The following FOXN4 variants were observed in gnomAD, a reference collection of about 807,000 sequenced individuals.
FOXN4 encodes the protein forkhead box N4, also known as forkhead box protein N4.
FOXN4 carries 12 observed loss-of-function variants against 45.0 expected under a neutral mutation model. The ratio of observed to expected loss-of-function variants is 0.27; its 90% CI spans 0.17 to 0.43. The LOEUF (loss-of-function observed/expected upper bound fraction) is 0.43, where lower values mean the gene tolerates loss of function less well. FOXN4 is among the 20% of genes least tolerant of loss of function. The pLI is 1.00. For missense variants in FOXN4, 560 were observed against 694.9 expected (o/e 0.81, Z 2.18); for synonymous variants, 297 against 295.0 (o/e 1.01, Z -0.07).
rs549680480 is a variant in FOXN4, at chr12:109,307,627, CCT to C, written c.86+607_86+608del. ...AAGGGCTCTGAAGGCTTCCATGCATCCTCTCAGTTGTACCTTGCTTCACCCTG... is the reference window on the plus strand; with the variant it reads ...AAGGGCTCTGAAGGCTTCCATGCATCCTCAGTTGTACCTTGCTTCACCCTG... On this transcript the variant is annotated intron_variant, in intron 2 of 9. Coordinates refer to ENST00000299162, the MANE Select transcript of FOXN4 (RefSeq NM_213596.3). Among the ~76,000 whole-genome samples the C allele has an allele frequency of 5.9e-3, 892 of 152,258 alleles. 5 individuals carry two copies. Among genetic ancestry groups the C allele is most frequent in the Non-Finnish European group, 9.3e-3 (636 of 68,022 alleles).
In FOXN4 at chr12:109,291,500, C is replaced by G. The variant is rs560955511; in HGVS notation, c.87-1214G>C. ...TCCTGCCCTGGTTTTCTGCGCCTCT[C>G]GGAGGCTCCAGCAAAGCCCGGCCCC... On this transcript the variant is annotated intron_variant, in intron 2 of 9. Transcript: ENST00000299162. The surrounding 1 kb of genome is among the most constrained non-coding windows in gnomAD (Gnocchi z 6.6). Among the ~76,000 whole-genome samples the G allele has an allele frequency of 6.6e-6, 1 of 152,130 alleles. No homozygotes were observed. The highest frequency in any genetic ancestry group is 1.5e-5 in the Non-Finnish European group (1 of 68,014).
chr12:109,292,101 GGGTGCTGGCCA>G (rs2047775075), intron 2 of FOXN4, among the ~76,000 whole-genome samples: 1 of 152,174 alleles, frequency 6.6e-6, no homozygotes, highest in South Asian at 2.1e-4. Context: ...CCGCTGTTGG[GGGTGCTGGCCA>G]GTCCTCACCC....
At chr12:109,306,587 T>C (rs2047924077) in intron 2 of FOXN4, among the ~76,000 whole-genome samples, 2 of 152,222 alleles carry the variant, frequency 1.3e-5, no homozygotes, top group Non-Finnish European at 2.9e-5. Context: ...ATAGATAATA[T>C]GATACATATA....
rs752593520 is a variant in FOXN4 at position 109,281,446 on chromosome 12, C to T, written c.1255G>A (p.Asp419Asn). The T allele has an allele frequency of 6.2e-7, 1 of 1,614,046 alleles. No homozygotes were observed. Among genetic ancestry groups the T allele is most frequent in the East Asian group, 2.2e-5 (1 of 44,878 alleles). ...TCCATGATGCTCGGGTCGAGGGCAT[C>T]CACCTCAGTGTTCATGTCGGTGCTG... is the stretch of plus-strand genomic sequence containing the variant. ...NISTDMNTEVDALDPSIMDFA... is the reference protein window; with the variant it reads ...NISTDMNTEVNALDPSIMDFA... Residue 419 changes from aspartate to asparagine, a missense_variant, in exon 9 of 10, where the codon GAT becomes AAT. By Grantham distance (23) the Asp-to-Asn change is conservative. This residue lies in a region of FOXN4 where 315 missense variants were observed against 350.5 expected (regional missense o/e 0.90). Transcript: ENST00000299162.
chr12:109,290,181 G>A lies in FOXN4; in HGVS notation c.192C>T (p.Arg64=), dbSNP rs940044371. 132 of 1,551,182 alleles carry A rather than the reference G, an allele frequency of 8.5e-5. No homozygotes were observed. Among genetic ancestry groups the A allele is most frequent in the Non-Finnish European group, 1.1e-4 (126 of 1,146,866 alleles). ...GCACGCAGGGGCCACCCAGGTCCAC[G>A]CGGCCACTTGCCATCTGCTGCAGCC... ...VPRLQQMASG[R]VDLGGPCVPH... Residue 64 remains arginine (R), a synonymous_variant, in exon 3 of 10, where the codon CGC becomes CGT. Coordinates refer to ENST00000299162, the MANE Select transcript of FOXN4 (RefSeq NM_213596.3). This position sits in a 1 kb window ranked among gnomAD's most constrained non-coding sequence, Gnocchi z 5.1.
Position 109,309,161 on chromosome 12 carries a change from G to T in FOXN4, c.-46C>A, listed in dbSNP as rs971341730. 6.6e-6 allele frequency: 1 copy of T among 152,228 alleles called. No homozygotes were observed. The highest frequency in any genetic ancestry group is 1.5e-5 in the Non-Finnish European group (1 of 68,056). The allele number at this position is 152,228 out of a possible 1,614,324, so 9.4% of individuals were successfully genotyped here. A position where few individuals can be genotyped will look rare whatever the true frequency, so the allele number is the denominator to read the frequency against. On this transcript the variant is annotated 5_prime_UTR_variant, in exon 1 of 10. Transcript: ENST00000299162. This position sits in a 1 kb window ranked among gnomAD's most constrained non-coding sequence, Gnocchi z 5.0. The stretch of plus-strand genomic sequence containing the variant: ...GGGGCCGCCGCTGCCGGCGCTCCGG[G>T]GGTGGGCAGGGGTTCCGGAGGGGGG...
chr12:109,306,804 G>C (rs980226598), intron 2 of FOXN4, among the ~76,000 whole-genome samples: 3 of 152,224 alleles, frequency 2.0e-5, no homozygotes, highest in Non-Finnish European at 2.9e-5. Context: ...AGCCAGAGAA[G>C]TTGGGATTAT....
chr12:109,281,657 G>C lies in FOXN4; in HGVS notation c.1044C>G (p.Pro348=), dbSNP rs762781465. 1.6e-4 allele frequency: 254 copies of C among 1,610,714 alleles called. No individual in the cohort carries two copies. Among genetic ancestry groups the C allele is most frequent in the South Asian group, 3.5e-4 (32 of 90,590 alleles). ...GCAGGGACAGGGTCATCAGTGGCTGGGGTGGGAGCTGGGAGACAGCCAGGC... is the reference window on the plus strand; with the variant it reads ...GCAGGGACAGGGTCATCAGTGGCTGCGGTGGGAGCTGGGAGACAGCCAGGC... ...HGCLAVSQLP[P]QPLMTLSLQS... is the part of the protein sequence containing the mutation. The change falls in exon 9 of 10, where the codon CCC becomes CCG. Residue 348 remains proline (P), a synonymous_variant. Transcript: ENST00000299162.
At chr12:109,284,295 G>A (rs2047680500) in intron 8 of FOXN4, among the ~76,000 whole-genome samples, 3 of 152,228 alleles carry the variant, frequency 2.0e-5, no homozygotes, top group Admixed American at 2.0e-4. Flanking sequence ...TAGGGTTGGG[G>A]AGGGGGAGGC....
chr12:109,281,089 G>A (rs575215682), intron 9 of FOXN4, among the ~76,000 whole-genome samples: 55 of 152,250 alleles, frequency 3.6e-4, no homozygotes, highest in Non-Finnish European at 5.6e-4. Flanking sequence ...GCTTTGGCCC[G>A]GTATACAGCA....
rs2047759368 is a variant in FOXN4, at chr12:109,290,704, C to T, written c.87-418G>A. Among the ~76,000 whole-genome samples, 1 of 152,170 alleles carries T rather than the reference C, an allele frequency of 6.6e-6. No individual in the cohort carries two copies. Among genetic ancestry groups the T allele is most frequent in the Admixed American group, 6.5e-5 (1 of 15,278 alleles). ...TACTATGGGACACTACAGCACAGAG[C>T]ACTCAGGGCCTGTGGTCAGGGTCCC... On this transcript the variant is annotated intron_variant, in intron 2 of 9. Transcript: ENST00000299162. The surrounding 1 kb of genome is among the most constrained non-coding windows in gnomAD (Gnocchi z 5.1).
chr12:109,286,067 T>G (rs1343341756), intron 7 of FOXN4, among the ~76,000 whole-genome samples: 1 of 152,144 alleles, frequency 6.6e-6, no homozygotes, highest in African/African-American at 2.4e-5. Context: ...ACAATGCATC[T>G]CACACCACAT....
chr12:109,290,090 A>G lies in FOXN4; in HGVS notation c.232+51T>C. 3 of 1,479,462 alleles carry G rather than the reference A, an allele frequency of 2.0e-6. No homozygotes were observed. The South Asian group carries it at 4.1e-5, about 20-fold the overall frequency. 91.6% of individuals were successfully genotyped at this position (1,479,462 alleles called of 1,614,324 possible). A position where few individuals can be genotyped will look rare whatever the true frequency, so the allele number is the denominator to read the frequency against. On this transcript the variant is annotated intron_variant, in intron 3 of 9. Transcript: ENST00000299162. This position sits in a 1 kb window ranked among gnomAD's most constrained non-coding sequence, Gnocchi z 5.1. ...TGGGTGGGTGGCAGGGCTGGGAATC[A>G]CCCCTCTCCTATATCACCCTCCTCC...
At chr12:109,302,797 C>CCAGG (rs1374361415) in intron 2 of FOXN4, among the ~76,000 whole-genome samples, 1 of 152,194 alleles carries the variant, frequency 6.6e-6, no homozygotes, top group Non-Finnish European at 1.5e-5. Flanking sequence ...GCGGCAACTC[C>CCAGG]GCCCTGATTA....
In FOXN4 at chr12:109,287,560, G is replaced by T; in HGVS notation, c.469-36C>A. On this transcript the variant is annotated intron_variant, in intron 5 of 9. Coordinates refer to ENST00000299162, the MANE Select transcript of FOXN4 (RefSeq NM_213596.3). The surrounding 1 kb of genome is among the most constrained non-coding windows in gnomAD (Gnocchi z 4.1). The stretch of plus-strand genomic sequence containing the variant: ...GCAGGGGCAGGGAGAAAGTGGCAGA[G>T]AAAGAGAGAAGGTGAGAAATAACAT... 1 of 1,490,894 alleles carries T rather than the reference G, an allele frequency of 6.7e-7. No homozygotes were observed. The highest frequency in any genetic ancestry group is 1.4e-5 in the African/African-American group (1 of 70,890). The allele number at this position is 1,490,894 out of a possible 1,614,324, so 92.4% of individuals were successfully genotyped here.
In FOXN4 at chr12:109,290,174, G is replaced by C. The variant is rs774452461; in HGVS notation, c.199C>G (p.Leu67Val). The change falls in exon 3 of 10, where the codon CTG becomes GTG. Residue 67 changes from leucine (L) to valine (V), a missense_variant. Physicochemically the swap from Leu to Val is conservative, Grantham distance 32. Coordinates refer to ENST00000299162, the MANE Select transcript of FOXN4 (RefSeq NM_213596.3). This position sits in a 1 kb window ranked among gnomAD's most constrained non-coding sequence, Gnocchi z 5.1. ...GGATGTGGCACGCAGGGGCCACCCA[G>C]GTCCACGCGGCCACTTGCCATCTGC... ...LQQMASGRVD[L>V]GGPCVPHPHP... 6.4e-7 allele frequency: 1 copy of C among 1,551,274 alleles called. No homozygotes were observed. The highest frequency in any genetic ancestry group is 8.7e-7 in the Non-Finnish European group (1 of 1,146,832).
intron 8 of FOXN4, 50 bp downstream of exon 8, chr12:109,285,244 CGTGTGTGTGT>C (rs56261774): frequency 1.6e-5 from 21 of 1,354,280 alleles, no homozygotes; most frequent in East Asian, 8.1e-5. Flanking sequence ...CTTCCTCTTC[CGTGTGTGTGT>C]GTGTGTGTGT....
intron 8 of FOXN4, among the ~76,000 whole-genome samples, chr12:109,282,110 T>C (rs533654587): frequency 6.6e-5 from 10 of 152,326 alleles, no homozygotes; most frequent in African/African-American, 2.4e-4. Flanking sequence ...CTGCACACGG[T>C]TGTTGTGGAA....
chr12:109,287,730 A>T lies in FOXN4; in HGVS notation c.468+114T>A. On this transcript the variant is annotated intron_variant, in intron 5 of 9. Transcript: ENST00000299162. The surrounding 1 kb of genome is among the most constrained non-coding windows in gnomAD (Gnocchi z 4.1). ...GAATGACCCCATGACATGAGCATGG[A>T]GGGAATGTTATCCCCATGTGCTGGG... is the stretch of plus-strand genomic sequence containing the variant. 2 of 1,136,126 alleles carry T rather than the reference A, an allele frequency of 1.8e-6. No homozygotes were observed. Among genetic ancestry groups the T allele is most frequent in the South Asian group, 3.2e-5 (2 of 62,332 alleles). 70.4% of individuals were successfully genotyped at this position (1,136,126 alleles called of 1,614,324 possible).
Sources: allele counts gnomAD v4.1 joint callset (sites outside exome capture counted in the v4.1 genomes callset), GRCh38; gene constraint gnomAD v4.1.1; regional missense constraint gnomAD v4.1.1; non-coding constraint Gnocchi (gnomAD v3.1); transcripts MANE v1.5; gene names NCBI Gene and HGNC (gene_info 2026-07-23, HGNC 2026-07-21).